The following MPDZ variants were observed in gnomAD, a reference collection of about 807,000 sequenced individuals.
MPDZ encodes the protein multiple PDZ domain protein.
A neutral mutation model predicts 239.1 loss-of-function variants in MPDZ; 234 were observed. That is an observed-to-expected ratio of 0.98 (90% CI 0.88 to 1.09). The LOEUF (loss-of-function observed/expected upper bound fraction) is 1.09, where lower values mean the gene tolerates loss of function less well. Among genes scored for constraint, MPDZ ranks in the 50% least tolerant of loss-of-function variants. The pLI is 0.00. For missense variants in MPDZ, 3,175 were observed against 2,510.0 expected (o/e 1.26, Z -5.66); for synonymous variants, 1,048 against 881.3 (o/e 1.19, Z -3.35).
intron 8 of MPDZ, among the ~76,000 whole-genome samples, chr9:13,217,885 C>T (rs1316691409): frequency 1.3e-5 from 2 of 151,790 alleles, no homozygotes; most frequent in Non-Finnish European, 2.9e-5. Context: ...AAGTGGGTTT[C>T]TCAGATGCCA....
chr9:13,153,313 CT>C (rs1053906673), intron 24 of MPDZ, among the ~76,000 whole-genome samples: 3 of 152,080 alleles, frequency 2.0e-5, no homozygotes, highest in African/African-American at 7.2e-5. Context: ...TTAAAACGAC[CT>C]TACCATGATC....
rs758015553 is a variant in MPDZ, at chr9:13,223,588, C to T, written c.516G>A (p.Glu172=). The change falls in exon 5 of 47, where the codon GAG becomes GAA. Residue 172 remains glutamate (E), a synonymous_variant. Coordinates refer to ENST00000319217, the MANE Select transcript of MPDZ (RefSeq NM_001378778.1). ...ELGIFVQEIQ[E]GSVAHRDGRL... is the part of the protein sequence containing the mutation. ...CATCTCACCTATGGGCCACACTGCC[C>T]TCTTGTATCTCTTGAACAAATATTC... 4.3e-6 allele frequency: 7 copies of T among 1,611,982 alleles called. No individual in the cohort carries two copies. Among genetic ancestry groups the T allele is most frequent in the Non-Finnish European group, 5.9e-6 (7 of 1,178,706 alleles).
At chr9:13,136,936 C>T (rs969760995) in intron 29 of MPDZ, 133 bp from the exon 30 acceptor site, 4 of 464,974 alleles carry the variant, frequency 8.6e-6, no homozygotes, top group African/African-American at 2.0e-5. Context: ...ATATATTTTC[C>T]TCCCCAAAAC....
At chr9:13,160,692 G>A (rs1053343103) in intron 23 of MPDZ, among the ~76,000 whole-genome samples, 11 of 150,976 alleles carry the variant, frequency 7.3e-5, no homozygotes, top group Non-Finnish European at 1.5e-4. Flanking sequence ...AAATATAGGC[G>A]TCTCCCCTAT....
rs1958453653 is a variant in MPDZ at position 13,217,175 on chromosome 9, A to G, written c.1201+5T>C. On this transcript the variant is annotated splice_donor_5th_base_variant and intron_variant, in intron 9 of 46. Transcript: ENST00000319217. ...TTTAAAAGAATACTTAATGTTTAAA[A>G]TTACCCAATTTTTTATCTCCAATGT... is the stretch of plus-strand genomic sequence containing the variant. 6.5e-7 allele frequency: 1 copy of G among 1,545,828 alleles called. No homozygotes were observed. Among genetic ancestry groups the G allele is most frequent in the Middle Eastern group, 1.7e-4 (1 of 5,852 alleles).
chr9:13,176,200 TGA>T lies in MPDZ; in HGVS notation c.2865_2866del (p.His956PhefsTer4). ...ACTTGATATAACTTCACTTGGTAAA[TGA>T]GATTCAGTCCACACTATTGTGTTTT... On this transcript the variant is annotated frameshift_variant, in exon 20 of 47. Transcript: ENST00000319217. LOFTEE classifies it high-confidence loss of function. 1 of 1,604,152 alleles carries T rather than the reference TGA, an allele frequency of 6.2e-7. No individual in the cohort carries two copies. Among genetic ancestry groups the T allele is most frequent in the Non-Finnish European group, 8.5e-7 (1 of 1,174,568 alleles).
chr9:13,244,812 G>A (rs771285895), intron 3 of MPDZ, among the ~76,000 whole-genome samples: 5 of 152,014 alleles, frequency 3.3e-5, no homozygotes, highest in Admixed American at 2.0e-4. Flanking sequence ...AATTCAACAT[G>A]GTATGTCAGC....
intron 19 of MPDZ, among the ~76,000 whole-genome samples, chr9:13,181,627 A>G (rs1953344629): frequency 6.6e-6 from 1 of 152,210 alleles, no homozygotes; most frequent in South Asian, 2.1e-4. Flanking sequence ...TGCTTCAACA[A>G]AAGAGTAAAC....
chr9:13,128,992 ATCT>A (rs1945521717), intron 32 of MPDZ, among the ~76,000 whole-genome samples: 1 of 152,182 alleles, frequency 6.6e-6, no homozygotes, highest in Non-Finnish European at 1.5e-5. Flanking sequence ...GAGTCCATAA[ATCT>A]TCTTCCTTGA....
intron 21 of MPDZ, among the ~76,000 whole-genome samples, chr9:13,172,807 C>T (rs1249426011): frequency 6.6e-6 from 1 of 152,166 alleles, no homozygotes; most frequent in Non-Finnish European, 1.5e-5. Flanking sequence ...ACACTTCTAC[C>T]TTTCACTGTT....
intron 39 of MPDZ, 137 bp downstream of exon 39, chr9:13,119,365 G>T (rs145558466): frequency 9.7e-7 from 1 of 1,031,382 alleles, no homozygotes; most frequent in East Asian, 2.6e-5. Context: ...GATTATAGGC[G>T]TGAGCCATTG....
chr9:13,138,164 C>T lies in MPDZ; in HGVS notation c.4004-11G>A. 1 of 1,551,668 alleles carries T rather than the reference C, an allele frequency of 6.4e-7. No homozygotes were observed. Among genetic ancestry groups the T allele is most frequent in the Non-Finnish European group, 8.7e-7 (1 of 1,149,738 alleles). On this transcript the variant is annotated splice_polypyrimidine_tract_variant and intron_variant, in intron 28 of 46. Transcript: ENST00000319217. ...GCTCTCTGATATTTTCTACATACAA[C>T]AACAACAACAAATACATATTTACAG...
intron 10 of MPDZ, among the ~76,000 whole-genome samples, chr9:13,212,585 G>A (rs1003285742): frequency 4.6e-5 from 7 of 151,708 alleles, no homozygotes; most frequent in African/African-American, 7.3e-5. Context: ...AGAGAGTCAA[G>A]AAGTCAGTTC....
In MPDZ at chr9:13,143,491, T is replaced by C; in HGVS notation, c.3815A>G (p.Asp1272Gly). Residue 1272 changes from aspartate (D) to glycine (G), a missense_variant, in exon 27 of 47, where the codon GAC becomes GGC. By Grantham distance (94) the Asp-to-Gly change is moderately conservative (BLOSUM62 -1). Transcript: ENST00000319217. ...YNFSSTNPFA[D>G]SLQINADKAP... ...CTTGTCGGCGTTGATTTGTAGAGAG[T>C]CAGCAAATGGGTTAGTGCTGCTGAA... is the stretch of plus-strand genomic sequence containing the variant. The C allele has an allele frequency of 2.5e-6, 4 of 1,612,518 alleles. No individual in the cohort carries two copies. The highest frequency in any genetic ancestry group is 1.1e-5 in the South Asian group (1 of 91,034).
chr9:13,231,474 C>T (rs976279469), intron 3 of MPDZ, among the ~76,000 whole-genome samples: 1 of 151,882 alleles, frequency 6.6e-6, no homozygotes, highest in Non-Finnish European at 1.5e-5. Flanking sequence ...GGTTGAAGCA[C>T]GAGAATCACT....
Position 13,236,197 on chromosome 9 carries a change from ATGTG to A in MPDZ, c.183+11434_183+11437del, listed in dbSNP as rs377695828. Among the ~76,000 whole-genome samples the A allele has an allele frequency of 2.2e-3, 170 of 76,954 alleles. 3 individuals carry two copies. The highest frequency in any genetic ancestry group is 7.9e-3 in the South Asian group (14 of 1,762). 50.5% of individuals were successfully genotyped at this position (76,954 alleles called of 152,430 possible). On this transcript the variant is annotated intron_variant, in intron 3 of 46. Transcript: ENST00000319217. ...TTTGTGTGTGTGTGTTTCTGTATAT[ATGTG>A]TGTGTGTGTGTGTGTGTGTGTGTGT... is the stretch of plus-strand genomic sequence containing the variant.
chr9:13,247,042 G>A (rs1966725781), intron 3 of MPDZ, among the ~76,000 whole-genome samples: 1 of 152,004 alleles, frequency 6.6e-6, no homozygotes, highest in Non-Finnish European at 1.5e-5. Context: ...AATTTTTACA[G>A]AACAAAAAAG....
In MPDZ at chr9:13,112,013, G is replaced by A; in HGVS notation, c.5724+11C>T. 1 of 1,612,984 alleles carries A rather than the reference G, an allele frequency of 6.2e-7. No homozygotes were observed. Among genetic ancestry groups the A allele is most frequent in the Non-Finnish European group, 8.5e-7 (1 of 1,179,214 alleles). ...TTTGCTAGGGCTTCTAGGGTTGATA[G>A]TACGACTCACTCTGAGTTTTTGGGT... is the stretch of plus-strand genomic sequence containing the variant. On this transcript the variant is annotated intron_variant, in intron 43 of 46. Coordinates refer to ENST00000319217, the MANE Select transcript of MPDZ (RefSeq NM_001378778.1).
At chr9:13,251,786 T>C (rs1013424203) in intron 1 of MPDZ, among the ~76,000 whole-genome samples, 5 of 152,214 alleles carry the variant, frequency 3.3e-5, no homozygotes, top group African/African-American at 1.2e-4. Context: ...CTTATCCCAA[T>C]GTAGAATATA....
Sources: gnomAD v4.1 joint callset for allele counts (sites outside exome capture counted in the v4.1 genomes callset) on GRCh38, gnomAD v4.1.1 for gene constraint, MANE v1.5 for transcripts, NCBI Gene and HGNC (gene_info 2026-07-23, HGNC 2026-07-21) for gene names.